The following CCND3 variants were observed in gnomAD, a reference collection of about 807,000 sequenced individuals.
CCND3 encodes the protein cyclin D3.
In CCND3, 9 loss-of-function variants were observed where a neutral mutation model predicts 28.7. The observed-to-expected ratio is 0.31, with a 90% CI of 0.19 to 0.55. The LOEUF (loss-of-function observed/expected upper bound fraction) is 0.55. Ranked by LOEUF, CCND3 falls within the 20% of genes least tolerant of loss-of-function variation. CCND3 has a pLI of 0.93. For synonymous variants in CCND3, 164 were observed against 163.9 expected, an observed-to-expected ratio of 1.00 and a Z score of 0.00; for missense variants, 315 against 385.8, an observed-to-expected ratio of 0.82 and a Z score of 1.54.
chr6:41,977,565 C>A, intron 1 of CCND3, among the ~76,000 whole-genome samples: 1 of 152,012 alleles, frequency 6.6e-6, no homozygotes, highest in East Asian at 1.9e-4. Context: ...CGGGGTTTCA[C>A]CAGGTTGGCC....
At chr6:41,998,219 C>T (rs1284561963) in intron 1 of CCND3, among the ~76,000 whole-genome samples, 2 of 146,168 alleles carry the variant, frequency 1.4e-5, no homozygotes, top group Non-Finnish European at 3.0e-5. Flanking sequence ...ACCTGGGAGG[C>T]GGAGGTTGCA....
intron 1 of CCND3, among the ~76,000 whole-genome samples, chr6:41,966,021 T>C (rs1038963835): frequency 6.6e-6 from 1 of 152,204 alleles, no homozygotes; most frequent in African/African-American, 2.4e-5. Context: ...AATTAAAATA[T>C]GGGCTGTGCT....
chr6:41,954,824 T>C (rs1194714374), intron 1 of CCND3, among the ~76,000 whole-genome samples: 1 of 152,184 alleles, frequency 6.6e-6, no homozygotes, highest in African/African-American at 2.4e-5. Context: ...GTTTGGCATG[T>C]AGAATCAACA....
rs1554158037 is a variant in CCND3 at position 41,941,785 on chromosome 6, G to GCGCGCGCGCCGCC, written c.-137_-136insGGCGGCGCGCGCG. The GCGCGCGCGCCGCC allele has an allele frequency of 0.022, 52 of 2,320 alleles. No homozygotes were observed. Among genetic ancestry groups the GCGCGCGCGCCGCC allele is most frequent in the African/African-American group, 0.12 (5 of 42 alleles). 0.1% of individuals were successfully genotyped at this position (2,320 alleles called of 1,614,324 possible). A position where few individuals can be genotyped will look rare whatever the true frequency, so the allele number is the denominator to read the frequency against. ...CGGATCCCCAGCCCGCCCGCCGCCC[G>GCGCGCGCGCCGCC]CGCGCGCGCGCCGCTTCCCTGACAG... On this transcript the variant is annotated 5_prime_UTR_variant, in exon 1 of 5. Coordinates refer to ENST00000372991, the MANE Select transcript of CCND3 (RefSeq NM_001760.5). This position sits in a 1 kb window ranked among gnomAD's most constrained non-coding sequence, Gnocchi z 6.1.
At chr6:41,972,433 G>A (rs149373921) in intron 1 of CCND3, among the ~76,000 whole-genome samples, 77 of 152,140 alleles carry the variant, frequency 5.1e-4, no homozygotes, top group African/African-American at 1.9e-3. Context: ...ATATGTGGTG[G>A]TAAACATGAT....
At chr6:41,940,971 C>A (rs774198305) in intron 1 of CCND3, 1 of 1,612,962 alleles carries the variant, frequency 6.2e-7, no homozygotes, top group East Asian at 2.2e-5. Context: ...AGGGAGGAGG[C>A]TCCTGCCGCT....
intron 1 of CCND3, among the ~76,000 whole-genome samples, chr6:41,966,832 A>C (rs1267442686): frequency 6.6e-6 from 1 of 152,206 alleles, no homozygotes; most frequent in Non-Finnish European, 1.5e-5. Context: ...ACTCATTTGC[A>C]GTTGACCCCT....
At chr6:41,964,433 T>A (rs1294360846) in intron 1 of CCND3, among the ~76,000 whole-genome samples, 6 of 151,432 alleles carry the variant, frequency 4.0e-5, no homozygotes, top group African/African-American at 1.5e-4. Context: ...TGTGTTTGTG[T>A]GTATGTGTGA....
intron 1 of CCND3, among the ~76,000 whole-genome samples, chr6:41,994,319 A>G (rs1350986155): frequency 6.6e-6 from 1 of 152,052 alleles, no homozygotes; most frequent in Non-Finnish European, 1.5e-5. Context: ...AGTACACTCG[A>G]TGATGTTCAC....
intron 1 of CCND3, among the ~76,000 whole-genome samples, chr6:41,954,654 C>T (rs1217797149): frequency 6.6e-6 from 1 of 152,052 alleles, no homozygotes; most frequent in Non-Finnish European, 1.5e-5. Context: ...CTGCTTCCAC[C>T]TCCCAAAGTG....
intron 1 of CCND3, among the ~76,000 whole-genome samples, chr6:42,000,481 G>C (rs1347795426): frequency 6.7e-6 from 1 of 150,046 alleles, no homozygotes; most frequent in Non-Finnish European, 1.5e-5. Flanking sequence ...GCCTGCCTCG[G>C]CCTCCCAAAG....
chr6:42,048,868 G>T lies in CCND3; in HGVS notation c.-413C>A. The T allele has an allele frequency of 3.3e-6, 1 of 307,454 alleles. No individual in the cohort carries two copies. The highest frequency in any genetic ancestry group is 6.2e-6 in the Non-Finnish European group (1 of 161,502). 19.0% of individuals were successfully genotyped at this position (307,454 alleles called of 1,614,324 possible). Reference sequence around the variant, plus strand: ...CATCCGGCGCCGCGCACCCCCGCCCGCAGCCCCCGCCCCACGCGGCATAGG... The same window carrying T: ...CATCCGGCGCCGCGCACCCCCGCCCTCAGCCCCCGCCCCACGCGGCATAGG... On this transcript the variant is annotated 5_prime_UTR_variant, in exon 1 of 5. Transcript: ENST00000372988. This position sits in a 1 kb window ranked among gnomAD's most constrained non-coding sequence, Gnocchi z 4.7.
At chr6:42,007,083 A>G (rs963578873) in intron 1 of CCND3, among the ~76,000 whole-genome samples, 2 of 152,106 alleles carry the variant, frequency 1.3e-5, no homozygotes, top group Non-Finnish European at 2.9e-5. Context: ...ACTACTTCAT[A>G]ATATACATAC....
At chr6:42,024,230 C>T (rs935193886) in intron 1 of CCND3, among the ~76,000 whole-genome samples, 2 of 151,714 alleles carry the variant, frequency 1.3e-5, no homozygotes, top group East Asian at 1.9e-4. Flanking sequence ...GGTGAAATCC[C>T]GTCCCTACTA....
intron 1 of CCND3, among the ~76,000 whole-genome samples, chr6:42,034,637 C>T (rs1341828716): frequency 6.6e-6 from 1 of 151,748 alleles, no homozygotes; most frequent in Non-Finnish European, 1.5e-5. Context: ...GCCACCATGC[C>T]CGGTTATCTG....
chr6:42,009,815 TAAAC>T (rs1251271454), intron 1 of CCND3, among the ~76,000 whole-genome samples: 3 of 151,810 alleles, frequency 2.0e-5, no homozygotes, highest in East Asian at 1.9e-4. Flanking sequence ...TCAAAAAAAA[TAAAC>T]AAACAAAAAC....
At chr6:42,029,837 CAAAAAAAAA>C (rs34732029) in intron 1 of CCND3, among the ~76,000 whole-genome samples, 2 of 118,220 alleles carry the variant, frequency 1.7e-5, no homozygotes, top group East Asian at 2.6e-4. Flanking sequence ...AACTCTGTCT[CAAAAAAAAA>C]AAAAAAAAAA....
At chr6:42,014,550 C>T (rs1582163707) in intron 1 of CCND3, among the ~76,000 whole-genome samples, 1 of 152,186 alleles carries the variant, frequency 6.6e-6, no homozygotes, top group East Asian at 1.9e-4. Context: ...ATCCTATATA[C>T]ATACCAGGTC....
At chr6:41,957,705 C>A (rs761660480) in intron 1 of CCND3, among the ~76,000 whole-genome samples, 6 of 152,092 alleles carry the variant, frequency 3.9e-5, no homozygotes, top group South Asian at 2.1e-4. Flanking sequence ...GAAGAGGTAC[C>A]CTGCATGAAG....
Sources: gnomAD v4.1 joint callset for allele counts (sites outside exome capture counted in the v4.1 genomes callset) on GRCh38, gnomAD v4.1.1 for gene constraint, Gnocchi (gnomAD v3.1) non-coding constraint, MANE v1.5 for transcripts, NCBI Gene and HGNC (gene_info 2026-07-23, HGNC 2026-07-21) for gene names.